The following GLT1D1 variants were observed in gnomAD, a reference collection of about 807,000 sequenced individuals.
GLT1D1 encodes glycosyltransferase 1 domain containing 1.
A neutral mutation model predicts 28.7 loss-of-function variants in GLT1D1; 21 were observed. The ratio of observed to expected loss-of-function variants is 0.73; its 90% CI spans 0.52 to 1.05. The LOEUF is 1.05. GLT1D1 is among the 50% of genes least tolerant of loss of function. The probability of loss-of-function intolerance (pLI) is 0.00; values close to 1 mark genes in which losing one functional copy is unlikely to be tolerated. For synonymous variants in GLT1D1, 147 were observed against 124.8 expected, an observed-to-expected ratio of 1.18 and a Z score of -1.19; for missense variants, 343 against 330.6, an observed-to-expected ratio of 1.04 and a Z score of -0.29.
chr12:128,965,617 A>T (rs1878371247), intron 7 of GLT1D1, among the ~76,000 whole-genome samples: 1 of 151,510 alleles, frequency 6.6e-6, no homozygotes. Flanking sequence ...CACACCTGTA[A>T]TCCTAGCACT....
rs771790354 is a variant in GLT1D1, at chr12:128,857,613, A to G, written c.68+3964A>G. Among the ~76,000 whole-genome samples, 98 of 152,166 alleles carry G rather than the reference A, an allele frequency of 6.4e-4. 1 individual carries two copies. The highest frequency in any genetic ancestry group is 1.2e-4 in the African/African-American group (5 of 41,432). ...GAGAGTCCCTGTGATCTAATCAGCA[A>G]TGAGCAGTGAGGACTGGATGTTCTC... On this transcript the variant is annotated intron_variant, in intron 1 of 7. Transcript: ENST00000281703.
In GLT1D1 at chr12:128,883,461, A is replaced by G. The variant is rs1169032930; in HGVS notation, c.218-5178A>G. ...AAAAATTAGCTGGGCATGGTGGTGG[A>G]TGCCTGTAATCCCAGCTACTCGGGA... On this transcript the variant is annotated intron_variant, in intron 2 of 7. Coordinates refer to ENST00000281703, the MANE Select transcript of GLT1D1 (RefSeq NM_144669.3). Among the ~76,000 whole-genome samples the G allele has an allele frequency of 3.3e-5, 5 of 151,362 alleles. No individual in the cohort carries two copies. The East Asian group carries it at 1.0e-3, about 30-fold the overall frequency.
At chr12:128,959,429 G>T (rs1555219991) in intron 7 of GLT1D1, among the ~76,000 whole-genome samples, 1 of 105,864 alleles carries the variant, frequency 9.4e-6, no homozygotes, top group Non-Finnish European at 2.0e-5. Context: ...GACGGGTGGG[G>T]AGGTGGCAGC....
At chr12:128,952,956 AT>A (rs1876880527) in intron 6 of GLT1D1, among the ~76,000 whole-genome samples, 1 of 150,080 alleles carries the variant, frequency 6.7e-6, no homozygotes, top group Admixed American at 6.6e-5. Context: ...TTTTGTTTCT[AT>A]TTTTAGTAGA....
intron 4 of GLT1D1, among the ~76,000 whole-genome samples, chr12:128,910,482 A>T (rs1421773734): frequency 6.6e-6 from 1 of 152,096 alleles, no homozygotes; most frequent in Non-Finnish European, 1.5e-5. Flanking sequence ...ATGGTGTTCT[A>T]TTGTGAGTGC....
chr12:128,901,039 C>T (rs1409842381), intron 4 of GLT1D1, among the ~76,000 whole-genome samples: 1 of 152,182 alleles, frequency 6.6e-6, no homozygotes, highest in African/African-American at 2.4e-5. Context: ...TCTTTCAGGG[C>T]CTCCGCCAAG....
At chr12:128,921,495 A>G (rs532754212) in intron 4 of GLT1D1, among the ~76,000 whole-genome samples, 5 of 151,722 alleles carry the variant, frequency 3.3e-5, no homozygotes, top group Non-Finnish European at 7.4e-5. Context: ...TATAAACTCT[A>G]TGTCTATGTA....
chr12:128,970,463 C>G (rs1878927065), intron 7 of GLT1D1, among the ~76,000 whole-genome samples: 1 of 152,226 alleles, frequency 6.6e-6, no homozygotes, highest in African/African-American at 2.4e-5. Flanking sequence ...TCCTTCCAGC[C>G]CGCCCACTCC....
At chr12:128,901,402 G>A (rs769010313) in intron 4 of GLT1D1, among the ~76,000 whole-genome samples, 8 of 151,476 alleles carry the variant, frequency 5.3e-5, no homozygotes, top group Non-Finnish European at 8.8e-5. Flanking sequence ...TTACAGGCGT[G>A]AGCCACCGCG....
intron 5 of GLT1D1, among the ~76,000 whole-genome samples, chr12:128,947,014 A>C (rs112640133): frequency 6.6e-6 from 1 of 152,158 alleles, no homozygotes; most frequent in Admixed American, 6.5e-5. Context: ...AAAAAAGTTG[A>C]ATTATTAGAA....
chr12:128,935,754 C>A (rs1874485330), intron 4 of GLT1D1, among the ~76,000 whole-genome samples: 1 of 152,144 alleles, frequency 6.6e-6, no homozygotes, highest in Non-Finnish European at 1.5e-5. Context: ...GCTTGTGCCA[C>A]CATGCCTAGC....
At chr12:128,946,037 C>G (rs1876021988) in intron 5 of GLT1D1, among the ~76,000 whole-genome samples, 1 of 152,146 alleles carries the variant, frequency 6.6e-6, no homozygotes. Flanking sequence ...ATTGGCCACA[C>G]CAACCACAAA....
intron 4 of GLT1D1, among the ~76,000 whole-genome samples, chr12:128,926,831 T>C (rs1873272742): frequency 6.6e-6 from 1 of 152,198 alleles, no homozygotes; most frequent in Non-Finnish European, 1.5e-5. Flanking sequence ...AAAGTCCACA[T>C]TGAATTGGGG....
intron 4 of GLT1D1, among the ~76,000 whole-genome samples, chr12:128,916,398 G>A (rs1345333556): frequency 6.6e-6 from 1 of 152,102 alleles, no homozygotes; most frequent in Non-Finnish European, 1.5e-5. Context: ...AAGTCAAATA[G>A]CTTGACTATA....
At position 128,853,523 on chromosome 12, in the gene GLT1D1, G is replaced by A. The variant is rs1215190057; in HGVS notation, c.-59G>A. 3.0e-5 allele frequency: 31 copies of A among 1,018,538 alleles called. No homozygotes were observed. In the South Asian group the frequency reaches 6.7e-4, roughly 22 times the overall value. 63.1% of individuals were successfully genotyped at this position (1,018,538 alleles called of 1,614,324 possible). On this transcript the variant is annotated 5_prime_UTR_variant, in exon 1 of 8. Transcript: ENST00000281703. ...TCCCCCGCCGTCCGCGTCTGCGCCG[G>A]CCCCGGGGCCTGGTCGGCGGCGGCG...
At chr12:128,923,671 G>C (rs562178353) in intron 4 of GLT1D1, among the ~76,000 whole-genome samples, 1 of 152,108 alleles carries the variant, frequency 6.6e-6, no homozygotes, top group South Asian at 2.1e-4. Context: ...ACAAGTGCCT[G>C]CTACCACAGC....
chr12:128,961,861 C>T (rs1441615562), intron 7 of GLT1D1, among the ~76,000 whole-genome samples: 3 of 152,306 alleles, frequency 2.0e-5, no homozygotes, highest in Middle Eastern at 3.4e-3. Context: ...AATTAACCAT[C>T]GTAAAGACTA....
chr12:128,898,166 T>C (rs1341394843), intron 3 of GLT1D1, among the ~76,000 whole-genome samples: 3 of 151,940 alleles, frequency 2.0e-5, no homozygotes, highest in East Asian at 1.9e-4. Context: ...TCCTCCTCCT[T>C]CTTCTTCCTT....
chr12:128,901,450 T>C (rs954016388), intron 4 of GLT1D1, among the ~76,000 whole-genome samples: 2 of 151,350 alleles, frequency 1.3e-5, no homozygotes, highest in Non-Finnish European at 2.9e-5. Context: ...TTTTTTTTTT[T>C]TTCTGAGATG....
Sources: gnomAD v4.1 joint callset for allele counts (sites outside exome capture counted in the v4.1 genomes callset) on GRCh38, gnomAD v4.1.1 for gene constraint, MANE v1.5 for transcripts, NCBI Gene and HGNC (gene_info 2026-07-23, HGNC 2026-07-21) for gene names.